The following KIF19 variants were observed in gnomAD, a reference collection of about 807,000 sequenced individuals.
KIF19 encodes the protein kinesin-like protein KIF19.
A neutral mutation model predicts 106.6 loss-of-function variants in KIF19; 98 were observed. The ratio of observed to expected loss-of-function variants is 0.92; its 90% CI spans 0.78 to 1.09. The LOEUF (loss-of-function observed/expected upper bound fraction) is 1.09, where lower values mean the gene tolerates loss of function less well. Ranked by LOEUF, KIF19 falls within the 50% of genes least tolerant of loss-of-function variation. The pLI is 0.00. For missense variants in KIF19, 1,373 were observed against 1,414.3 expected (o/e 0.97, Z 0.47); for synonymous variants, 516 against 584.2 (o/e 0.88, Z 1.68).
At chr17:74,334,909 G>A (rs946351074) in intron 2 of KIF19, among the ~76,000 whole-genome samples, 1 of 152,198 alleles carries the variant, frequency 6.6e-6, no homozygotes, top group African/African-American at 2.4e-5. Flanking sequence ...TCCTGAGTAG[G>A]ATAGGGGTGT....
rs751942812 is a variant in KIF19, at chr17:74,331,634, T to C, written c.120+3129T>C. Reference sequence around the variant, plus strand: ...CTCTGTCACCTAGGCTGGAGTACAGTGGTGCAATCTTGGCTCACTGCAACC... The same window carrying C: ...CTCTGTCACCTAGGCTGGAGTACAGCGGTGCAATCTTGGCTCACTGCAACC... On this transcript the variant is annotated intron_variant, in intron 2 of 19. Transcript: ENST00000389916. The surrounding 1 kb of genome is among the most constrained non-coding windows in gnomAD (Gnocchi z 4.1). Among the ~76,000 whole-genome samples, 1 of 151,508 alleles carries C rather than the reference T, an allele frequency of 6.6e-6. No homozygotes were observed. The highest frequency in any genetic ancestry group is 6.6e-5 in the Admixed American group (1 of 15,172).
chr17:74,351,840 C>CCAGATGCTG, intron 12 of KIF19, 27 bp from the exon 13 acceptor site: 1 of 1,375,372 alleles, frequency 7.3e-7, no homozygotes, highest in South Asian at 1.7e-5. Flanking sequence ...CTCCCCGCTG[C>CCAGATGCTG]CAGATGCTGA....
At chr17:74,345,542 C>A (rs949745226) in intron 7 of KIF19, among the ~76,000 whole-genome samples, 3 of 152,126 alleles carry the variant, frequency 2.0e-5, no homozygotes, top group Non-Finnish European at 4.4e-5. Flanking sequence ...GCTTGCCGAG[C>A]TCTGCAGCCT....
chr17:74,352,984 C>A (rs945404276), intron 15 of KIF19, 30 bp downstream of exon 15: 7 of 1,612,456 alleles, frequency 4.3e-6, no homozygotes. Flanking sequence ...CCCCAGCCCC[C>A]ACCCTGTGCC....
chr17:74,346,645 TA>T lies in KIF19; in HGVS notation c.924+122del. ...TCAGGATACACAGCAAAATTTATTT[TA>T]GCGTAAATATGTCCCATGAAATATT... On this transcript the variant is annotated intron_variant, in intron 8 of 19. Transcript: ENST00000389916. The surrounding 1 kb of genome is among the most constrained non-coding windows in gnomAD (Gnocchi z 4.6). The T allele has an allele frequency of 1.2e-6, 1 of 856,972 alleles. No individual in the cohort carries two copies. The highest frequency in any genetic ancestry group is 1.8e-6 in the Non-Finnish European group (1 of 556,394). The allele number at this position is 856,972 out of a possible 1,614,324, so 53.1% of individuals were successfully genotyped here. A position where few individuals can be genotyped will look rare whatever the true frequency, so the allele number is the denominator to read the frequency against.
chr17:74,340,949 T>TG (rs113482479), intron 2 of KIF19, among the ~76,000 whole-genome samples: 17,628 of 152,138 alleles, frequency 0.12, 1,161 homozygotes, highest in African/African-American at 0.19. Context: ...TGTGACGACC[T>TG]GGGGGGTGTG....
At position 74,349,316 on chromosome 17, in the gene KIF19, C is replaced by A. The variant is rs779477984; in HGVS notation, c.1180C>A (p.Arg394=). ...EQTGRGQARG[R]QDRGDIRHIQ... ...GACTGGGCGGGGCCAGGCCCGGGGC[C>A]GGCAGGATCGGGGTGACATCCGCCA... is the stretch of plus-strand genomic sequence containing the variant. Residue 394 remains arginine, a synonymous_variant, in exon 10 of 20, where the codon CGG becomes AGG. Transcript: ENST00000389916. 1 of 1,607,574 alleles carries A rather than the reference C, an allele frequency of 6.2e-7. No homozygotes were observed. The highest frequency in any genetic ancestry group is 8.5e-7 in the Non-Finnish European group (1 of 1,177,124).
chr17:74,354,483 G>A lies in KIF19; in HGVS notation c.2630G>A (p.Gly877Asp), dbSNP rs1165769990. 3 of 1,607,720 alleles carry A rather than the reference G, an allele frequency of 1.9e-6. No individual in the cohort carries two copies. The South Asian group carries it at 3.3e-5, about 18-fold the overall frequency. The part of the protein sequence containing the change: ...PWLRGQKKSL[G>D]KKREESLEAK... The stretch of plus-strand genomic sequence containing the variant: ...CTGCGTGGCCAGAAGAAAAGCCTGG[G>A]CAAGAAAAGGGAGGAGTCGCTGGAG... Residue 877 changes from glycine (G) to aspartate (D), a missense_variant, in exon 18 of 20, where the codon GGC becomes GAC. Coordinates refer to ENST00000389916, the MANE Select transcript of KIF19 (RefSeq NM_153209.4).
At chr17:74,344,720 A>G (rs1318316366) in intron 6 of KIF19, 41 bp from the exon 7 acceptor site, 4 of 1,574,484 alleles carry the variant, frequency 2.5e-6, no homozygotes, top group Non-Finnish European at 3.5e-6. Context: ...CGGAGCACCT[A>G]CGGCAGTCGC....
intron 2 of KIF19, among the ~76,000 whole-genome samples, chr17:74,333,361 ATTTTT>A (rs35232394): frequency 7.7e-5 from 10 of 129,482 alleles, no homozygotes; most frequent in African/African-American, 2.1e-4. Context: ...TGTGGTCCTA[ATTTTT>A]TTTTTTTTTT....
At position 74,343,149 on chromosome 17, in the gene KIF19, T is replaced by TCA; in HGVS notation, c.446_447insAC (p.Tyr150ProfsTer9). ...TGACATGGAGTATGAGGTCTCCATG[T>TCA]CCTACCTGGAGGTGAGTCCCCCAGC... On this transcript the variant is annotated frameshift_variant, in exon 5 of 20. Coordinates refer to ENST00000389916, the MANE Select transcript of KIF19 (RefSeq NM_153209.4). LOFTEE classifies it high-confidence loss of function. The TCA allele has an allele frequency of 1.9e-6, 3 of 1,612,540 alleles. No homozygotes were observed. Among genetic ancestry groups the TCA allele is most frequent in the Non-Finnish European group, 2.5e-6 (3 of 1,179,726 alleles).
Position 74,354,293 on chromosome 17 carries a change from T to G in KIF19, c.2440T>G (p.Ser814Ala). The G allele has an allele frequency of 6.2e-7, 1 of 1,608,554 alleles. No homozygotes were observed. The highest frequency in any genetic ancestry group is 8.5e-7 in the Non-Finnish European group (1 of 1,178,592). ...AGAGCGCAGCAGCCTGTCCCTGCACTCACTGAGCGAGGGCGACGATGCGCG... is the reference window on the plus strand; with the variant it reads ...AGAGCGCAGCAGCCTGTCCCTGCACGCACTGAGCGAGGGCGACGATGCGCG... ...ATERSSLSLHSLSEGDDARPP... is the reference protein window; with the variant it reads ...ATERSSLSLHALSEGDDARPP... The change falls in exon 18 of 20, where the codon TCA becomes GCA. Residue 814 changes from serine (S) to alanine (A), a missense_variant. Transcript: ENST00000389916.
Position 74,355,351 on chromosome 17 carries a change from C to A in KIF19, c.*39C>A. Reference sequence around the variant, plus strand: ...GAACTGGCTCTCTCACCTCCCAAGACTGAATGGGGTCTAGCAGGGCATGGG... The same window carrying A: ...GAACTGGCTCTCTCACCTCCCAAGAATGAATGGGGTCTAGCAGGGCATGGG... On this transcript the variant is annotated 3_prime_UTR_variant, in exon 20 of 20. Coordinates refer to ENST00000389916, the MANE Select transcript of KIF19 (RefSeq NM_153209.4). 1 of 1,563,244 alleles carries A rather than the reference C, an allele frequency of 6.4e-7. No homozygotes were observed.
Position 74,353,602 on chromosome 17 carries a change from C to T in KIF19, c.2308+21C>T, listed in dbSNP as rs764770565. On this transcript the variant is annotated intron_variant, in intron 17 of 19. Transcript: ENST00000389916. The stretch of plus-strand genomic sequence containing the variant: ...CAAAGGTATGTGTGCCCTCTGCTGC[C>T]CGGCCACCTCACCTGGCCTTGTCTA... 26 of 1,587,950 alleles carry T rather than the reference C, an allele frequency of 1.6e-5. No homozygotes were observed. The South Asian group carries it at 2.5e-4, about 16-fold the overall frequency.
intron 2 of KIF19, among the ~76,000 whole-genome samples, chr17:74,335,797 G>T (rs542287693): frequency 1.3e-5 from 2 of 152,376 alleles, no homozygotes; most frequent in East Asian, 1.9e-4. Flanking sequence ...ATTCCCCGGG[G>T]GGGCTGTGAG....
At chr17:74,345,162 C>T (rs1486449240) in intron 7 of KIF19, among the ~76,000 whole-genome samples, 2 of 151,980 alleles carry the variant, frequency 1.3e-5, no homozygotes, top group Non-Finnish European at 2.9e-5. Flanking sequence ...GAGTGGAGAC[C>T]CCCGGGTTAA....
Position 74,346,051 on chromosome 17 carries a change from C to T in KIF19, c.778-327C>T, listed in dbSNP as rs536045793. The stretch of plus-strand genomic sequence containing the variant: ...CCCTCTGGAGCACCAGTGGTCCTGC[C>T]GGCTCCCAGCTGAGCTGCCTGGAAA... On this transcript the variant is annotated intron_variant, in intron 7 of 19. Transcript: ENST00000389916. This position sits in a 1 kb window ranked among gnomAD's most constrained non-coding sequence, Gnocchi z 4.6. Among the ~76,000 whole-genome samples, 2 of 152,226 alleles carry T rather than the reference C, an allele frequency of 1.3e-5. No homozygotes were observed. The highest frequency in any genetic ancestry group is 2.4e-5 in the African/African-American group (1 of 41,458).
intron 1 of KIF19, 39 bp from the exon 2 acceptor site, chr17:74,328,386 C>G: frequency 6.4e-7 from 1 of 1,570,010 alleles, no homozygotes; most frequent in Non-Finnish European, 8.6e-7. Context: ...CAGCATGGTC[C>G]TCTCCCTCTA....
chr17:74,344,595 C>T (rs187348095), intron 6 of KIF19, among the ~76,000 whole-genome samples, 166 bp from the exon 7 acceptor site: 5 of 152,354 alleles, frequency 3.3e-5, no homozygotes, highest in South Asian at 2.1e-4. Flanking sequence ...TCCAGAGAGC[C>T]GAGGCCCACG....
Sources: allele counts gnomAD v4.1 joint callset (sites outside exome capture counted in the v4.1 genomes callset), GRCh38; gene constraint gnomAD v4.1.1; non-coding constraint Gnocchi (gnomAD v3.1); transcripts MANE v1.5; gene names NCBI Gene and HGNC (gene_info 2026-07-23, HGNC 2026-07-21).